KIAA1549L: variants seen among roughly 807,000 people sequenced by gnomAD.
KIAA1549L encodes the protein KIAA1549 like.
Under a neutral mutation model 160.7 loss-of-function variants are expected in KIAA1549L, and 88 were observed. The ratio of observed to expected loss-of-function variants is 0.55; its 90% CI spans 0.46 to 0.65. The LOEUF is 0.65. Ranked by LOEUF, KIAA1549L falls within the 30% of genes least tolerant of loss-of-function variation. KIAA1549L has a pLI of 0.00. For missense variants in KIAA1549L, 2,258 were observed against 2,437.5 expected (o/e 0.93, Z 1.55); for synonymous variants, 950 against 976.7 (o/e 0.97, Z 0.51).
At chr11:33,404,738 A>C (rs1359252895) in intron 1 of KIAA1549L, among the ~76,000 whole-genome samples, 1 of 152,154 alleles carries the variant, frequency 6.6e-6, no homozygotes, top group African/African-American at 2.4e-5. Context: ...AGCTGGGCAC[A>C]GTGGCTCACG....
chr11:33,440,284 T>C (rs1198351937), intron 1 of KIAA1549L, among the ~76,000 whole-genome samples: 2 of 150,032 alleles, frequency 1.3e-5, no homozygotes, highest in East Asian at 1.9e-4. Flanking sequence ...CGCCCGCCAC[T>C]ACGCCCGGCT....
intron 1 of KIAA1549L, among the ~76,000 whole-genome samples, chr11:33,481,202 T>G (rs1465295982): frequency 2.0e-5 from 3 of 152,224 alleles, no homozygotes; most frequent in African/African-American, 7.2e-5. Context: ...ATCAGTTCTT[T>G]ACATGTGCTA....
intron 16 of KIAA1549L, 121 bp downstream of exon 16, chr11:33,618,783 T>C (rs1273833434): frequency 9.9e-7 from 1 of 1,010,976 alleles, no homozygotes; most frequent in Non-Finnish European, 1.4e-6. Context: ...AGCACTAAAA[T>C]GTTTTCTATT....
intron 17 of KIAA1549L, among the ~76,000 whole-genome samples, chr11:33,652,862 C>T (rs564448792): frequency 6.6e-6 from 1 of 152,184 alleles, no homozygotes; most frequent in Non-Finnish European, 1.5e-5. Flanking sequence ...TTCACCAGGG[C>T]ACCTCCTCCC....
chr11:33,587,384 C>T (rs909248239), intron 11 of KIAA1549L, among the ~76,000 whole-genome samples: 11 of 152,084 alleles, frequency 7.2e-5, no homozygotes, highest in African/African-American at 9.7e-5. Context: ...GCTAAAAGAC[C>T]GCTACCCTGG....
intron 1 of KIAA1549L, among the ~76,000 whole-genome samples, chr11:33,388,139 G>A (rs991555490): frequency 6.6e-6 from 1 of 152,124 alleles, no homozygotes; most frequent in Non-Finnish European, 1.5e-5. Flanking sequence ...AGAACTGCCC[G>A]AGACTGAGTA....
rs1433713758 is a variant in KIAA1549L, at chr11:33,545,269, A to G, written c.3276A>G (p.Ala1092=). ...CCACCCGGTTGCCACCATTGCGAGC[A>G]GAAAACACAGATGCTGTCCTTCCTG... is the stretch of plus-strand genomic sequence containing the variant. ...VKATRLPPLR[A]ENTDAVLPAA... Residue 1092 remains alanine, a synonymous_variant, in exon 3 of 21, where the codon GCA becomes GCG. Coordinates refer to ENST00000658780, the MANE Select transcript of KIAA1549L (RefSeq NM_012194.3). 3 of 1,613,896 alleles carry G rather than the reference A, an allele frequency of 1.9e-6. No homozygotes were observed. The highest frequency in any genetic ancestry group is 1.6e-4 in the Middle Eastern group (1 of 6,084).
intron 16 of KIAA1549L, among the ~76,000 whole-genome samples, chr11:33,636,012 GACGCCATCCC>G (rs1258894459): frequency 6.6e-6 from 1 of 152,166 alleles, no homozygotes; most frequent in Non-Finnish European, 1.5e-5. Flanking sequence ...AATGAAGTCT[GACGCCATCCC>G]ACTCCATCCC....
At chr11:33,419,567 C>T (rs944766752) in intron 1 of KIAA1549L, among the ~76,000 whole-genome samples, 7 of 151,796 alleles carry the variant, frequency 4.6e-5, no homozygotes, top group African/African-American at 9.7e-5. Flanking sequence ...TAATATGGGT[C>T]GAGTACAGTG....
chr11:33,558,499 G>C (rs2079589020), intron 6 of KIAA1549L, among the ~76,000 whole-genome samples: 1 of 152,280 alleles, frequency 6.6e-6, no homozygotes, highest in South Asian at 2.1e-4. Context: ...TCTGCCTCCA[G>C]GGGCACCGGA....
At chr11:33,408,489 G>GTATGTGTATATATATA (rs1554974405) in intron 1 of KIAA1549L, among the ~76,000 whole-genome samples, 3 of 123,066 alleles carry the variant, frequency 2.4e-5, no homozygotes, top group African/African-American at 9.7e-5. Flanking sequence ...CTGTATATGT[G>GTATGTGTATATATATA]TATATATATA....
intron 12 of KIAA1549L, among the ~76,000 whole-genome samples, chr11:33,596,608 G>A (rs375501404): frequency 2.0e-5 from 3 of 152,076 alleles, no homozygotes; most frequent in Non-Finnish European, 2.9e-5. Context: ...GCATGGCGGC[G>A]GGCGCCTGTA....
chr11:33,430,077 TC>T (rs1590238210), intron 1 of KIAA1549L, among the ~76,000 whole-genome samples: 50 of 136,332 alleles, frequency 3.7e-4, no homozygotes, highest in African/African-American at 6.1e-4. Flanking sequence ...GTTCCTCCCT[TC>T]CCTCCCTCCC....
At chr11:33,661,879 CAAAAAAAAA>C (rs59140753) in intron 20 of KIAA1549L, among the ~76,000 whole-genome samples, 25 of 36,328 alleles carry the variant, frequency 6.9e-4, no homozygotes, top group East Asian at 2.1e-3. Context: ...GACTATGTCT[CAAAAAAAAA>C]AAAAAAAAAA....
chr11:33,395,304 A>C (rs1850350970), intron 1 of KIAA1549L, among the ~76,000 whole-genome samples: 1 of 152,228 alleles, frequency 6.6e-6, no homozygotes, highest in African/African-American at 2.4e-5. Flanking sequence ...AATAATAGCT[A>C]ACACTTAATG....
rs779941097 is a variant in KIAA1549L at position 33,609,819 on chromosome 11, G to A, written c.5132G>A (p.Arg1711Lys). ...YRNKLRLKAK[R>K]KGYYDFPAVE... ...AACAAGCTGCGCCTCAAAGCCAAGAGGAAGGGATATTACGACTTCCCTGCA... is the reference window on the plus strand; with the variant it reads ...AACAAGCTGCGCCTCAAAGCCAAGAAGAAGGGATATTACGACTTCCCTGCA... Residue 1711 changes from arginine (R) to lysine (K), a missense_variant, in exon 15 of 21, where the codon AGG becomes AAG. Physicochemically the swap from Arg to Lys is conservative, Grantham distance 26 (BLOSUM62 2). Coordinates refer to ENST00000658780, the MANE Select transcript of KIAA1549L (RefSeq NM_012194.3). 26 of 1,613,778 alleles carry A rather than the reference G, an allele frequency of 1.6e-5. No homozygotes were observed. Among genetic ancestry groups the A allele is most frequent in the Non-Finnish European group, 1.7e-6 (2 of 1,179,852 alleles).
At chr11:33,649,343 G>GGAA (rs1851815555) in intron 17 of KIAA1549L, among the ~76,000 whole-genome samples, 2 of 102,778 alleles carry the variant, frequency 1.9e-5, no homozygotes, top group African/African-American at 8.7e-5. Flanking sequence ...CTCTACGGGG[G>GGAA]AAAAAAAAAA....
chr11:33,593,267 A>T (rs1001834167), intron 12 of KIAA1549L, among the ~76,000 whole-genome samples: 23 of 152,078 alleles, frequency 1.5e-4, no homozygotes, highest in Admixed American at 1.3e-3. Context: ...TCGTCTCTAC[A>T]AAATAAAATT....
chr11:33,537,876 G>T (rs887076879), intron 1 of KIAA1549L, among the ~76,000 whole-genome samples: 2 of 152,156 alleles, frequency 1.3e-5, no homozygotes, highest in South Asian at 2.1e-4. Flanking sequence ...TTCTACTCAA[G>T]AATGTATATT....
Sources: allele counts gnomAD v4.1 joint callset (sites outside exome capture counted in the v4.1 genomes callset), GRCh38; gene constraint gnomAD v4.1.1; transcripts MANE v1.5; gene names NCBI Gene and HGNC (gene_info 2026-07-23, HGNC 2026-07-21).